Variants in ZBTB8A observed in about 807,000 individuals in gnomAD.
ZBTB8A encodes the protein zinc finger and BTB domain containing 8A.
ZBTB8A carries 19 observed loss-of-function variants against 37.8 expected under a neutral mutation model. The ratio of observed to expected loss-of-function variants is 0.50; its 90% confidence interval spans 0.35 to 0.74. The LOEUF (loss-of-function observed/expected upper bound fraction) is 0.74, where lower values mean the gene tolerates loss of function less well. Among genes scored for constraint, ZBTB8A ranks in the 30% least tolerant of loss-of-function variants. ZBTB8A has a pLI of 0.01. For missense variants in ZBTB8A, 394 were observed against 537.8 expected (o/e 0.73, Z 2.65); for synonymous variants, 181 against 185.2 (o/e 0.98, Z 0.19).
At chr1:32,566,636 A>G (rs1644281605) in intron 2 of ZBTB8A, among the ~76,000 whole-genome samples, 1 of 152,212 alleles carries the variant, frequency 6.6e-6, no homozygotes, top group Non-Finnish European at 1.5e-5. Context: ...TCTATACCTC[A>G]TATGGTGTAG....
In ZBTB8A at chr1:32,601,501, G is replaced by A. The variant is rs1644575797; in HGVS notation, c.*1082G>A. ...AAAAAAAAAGGAAAACAAACTAGGAGGTTCTTACCATATGTGAGTGATTTC... is the reference window on the plus strand; with the variant it reads ...AAAAAAAAAGGAAAACAAACTAGGAAGTTCTTACCATATGTGAGTGATTTC... On this transcript the variant is annotated 3_prime_UTR_variant, in exon 5 of 5. Transcript: ENST00000373510. The A allele has an allele frequency of 2.5e-6, 1 of 396,722 alleles. No individual in the cohort carries two copies. The highest frequency in any genetic ancestry group is 4.4e-6 in the Non-Finnish European group (1 of 225,240). The allele number at this position is 396,722 out of a possible 1,614,324, so 24.6% of individuals were successfully genotyped here. A position where few individuals can be genotyped will look rare whatever the true frequency, so the allele number is the denominator to read the frequency against.
intron 1 of ZBTB8A, among the ~76,000 whole-genome samples, chr1:32,541,402 C>T (rs1436455089): frequency 1.3e-5 from 2 of 152,204 alleles, no homozygotes; most frequent in African/African-American, 4.8e-5. Context: ...CTGAAATGCT[C>T]TTCCCCCAGA....
At chr1:32,580,156 G>A (rs1448217973) in intron 2 of ZBTB8A, among the ~76,000 whole-genome samples, 3 of 152,088 alleles carry the variant, frequency 2.0e-5, no homozygotes, top group African/African-American at 7.2e-5. Context: ...ACTTGAGCCT[G>A]GGTGGTGGAC....
intron 1 of ZBTB8A, among the ~76,000 whole-genome samples, chr1:32,539,946 G>T (rs886897173): frequency 2.0e-5 from 3 of 151,028 alleles, no homozygotes; most frequent in Non-Finnish European, 4.4e-5. Flanking sequence ...GAGCAAAGAC[G>T]GGCGGCCGCC....
rs151180096 is a variant in ZBTB8A at position 32,562,306 on chromosome 1, G to A, written c.-2+8766G>A. On this transcript the variant is annotated intron_variant, in intron 2 of 4. Transcript: ENST00000373510. Reference sequence around the variant, plus strand: ...TTTGAGATGGAGTTTTGCTCTTGTTGCCTTGCCCAGGCTGGGGTGCCATGG... The same window carrying A: ...TTTGAGATGGAGTTTTGCTCTTGTTACCTTGCCCAGGCTGGGGTGCCATGG... 7.4e-3 allele frequency among the ~76,000 whole-genome samples: 1,116 copies of A among 151,592 alleles called. 16 individuals are homozygous for A. The highest frequency in any genetic ancestry group is 0.025 in the African/African-American group (1,033 of 41,344).
At chr1:32,598,235 T>A (rs1644547997) in intron 4 of ZBTB8A, among the ~76,000 whole-genome samples, 1 of 135,424 alleles carries the variant, frequency 7.4e-6, no homozygotes, top group South Asian at 2.6e-4. Context: ...TTTTTTTTTT[T>A]TTTTTTTTTT....
chr1:32,549,924 A>G (rs1026373353), intron 1 of ZBTB8A, among the ~76,000 whole-genome samples: 3 of 152,246 alleles, frequency 2.0e-5, no homozygotes, highest in Non-Finnish European at 1.5e-5. Context: ...CAGCCAAAAC[A>G]GAAGAAAGAT....
chr1:32,554,490 T>G lies in ZBTB8A; in HGVS notation c.-2+950T>G, dbSNP rs927497575. 2.1e-4 allele frequency among the ~76,000 whole-genome samples: 31 copies of G among 148,884 alleles called. 1 individual carries two copies. Among genetic ancestry groups the G allele is most frequent in the African/African-American group, 7.1e-4 (29 of 40,834 alleles). ...TTTATTTATTTATTTATTTATTTAT[T>G]TATTTATTTATTTATTTATTTATTT... On this transcript the variant is annotated intron_variant, in intron 2 of 4. Coordinates refer to ENST00000373510, the MANE Select transcript of ZBTB8A (RefSeq NM_001040441.3).
rs1171909967 is a variant in ZBTB8A at position 32,594,677 on chromosome 1, C to T, written c.824-377C>T. Reference sequence around the variant, plus strand: ...TCAGGAGCCTGAGGCAGAAGAATCGCTTCAGGAGAACCCAGGAGGCAGAGG... The same window carrying T: ...TCAGGAGCCTGAGGCAGAAGAATCGTTTCAGGAGAACCCAGGAGGCAGAGG... On this transcript the variant is annotated intron_variant, in intron 3 of 4. Transcript: ENST00000373510. Among the ~76,000 whole-genome samples the T allele has an allele frequency of 2.0e-5, 3 of 151,554 alleles. No individual in the cohort carries two copies. The East Asian group carries it at 5.8e-4, about 29-fold the overall frequency.
At chr1:32,548,259 A>C (rs185719052) in intron 1 of ZBTB8A, among the ~76,000 whole-genome samples, 1 of 150,932 alleles carries the variant, frequency 6.6e-6, no homozygotes, top group African/African-American at 2.4e-5. Context: ...GATCGCTCTC[A>C]CTCTCTCTAG....
chr1:32,586,126 T>G (rs1016554445), intron 2 of ZBTB8A, among the ~76,000 whole-genome samples: 37 of 151,958 alleles, frequency 2.4e-4, no homozygotes, highest in African/African-American at 7.7e-4. Flanking sequence ...GAGACCACCC[T>G]GACCAACAGG....
In ZBTB8A at chr1:32,578,490, G is replaced by A. The variant is rs1244212725; in HGVS notation, c.-1-14441G>A. 2.6e-5 allele frequency among the ~76,000 whole-genome samples: 4 copies of A among 152,026 alleles called. No individual in the cohort carries two copies. The South Asian group carries it at 6.2e-4, about 24-fold the overall frequency. On this transcript the variant is annotated intron_variant, in intron 2 of 4. Transcript: ENST00000373510. ...GGCCTCCCAAAGTGCTGAGATTACA[G>A]ACGTGAGCCACCAGGCCCGGCCCTA...
At chr1:32,550,373 G>T (rs768009253) in intron 1 of ZBTB8A, among the ~76,000 whole-genome samples, 112 of 152,204 alleles carry the variant, frequency 7.4e-4, no homozygotes, top group Non-Finnish European at 1.3e-3. Context: ...CAACACTTTG[G>T]GAGGCCAAGG....
At chr1:32,555,663 T>A (rs1164724155) in intron 2 of ZBTB8A, among the ~76,000 whole-genome samples, 4 of 152,132 alleles carry the variant, frequency 2.6e-5, no homozygotes, top group Non-Finnish European at 5.9e-5. Context: ...TCTGAGCCCC[T>A]TCATTTCTGC....
At chr1:32,587,560 C>T (rs925489189) in intron 2 of ZBTB8A, among the ~76,000 whole-genome samples, 11 of 151,932 alleles carry the variant, frequency 7.2e-5, no homozygotes, top group African/African-American at 2.7e-4. Context: ...GCAGGAGGAT[C>T]GTTTGAGCCC....
rs1273199582 is a variant in ZBTB8A, at chr1:32,603,415, A to C, written c.*2996A>C. The C allele has an allele frequency of 6.6e-6, 1 of 152,282 alleles. No homozygotes were observed. Among genetic ancestry groups the C allele is most frequent in the Non-Finnish European group, 1.5e-5 (1 of 68,076 alleles). 9.4% of individuals were successfully genotyped at this position (152,282 alleles called of 1,614,324 possible). On this transcript the variant is annotated 3_prime_UTR_variant, in exon 5 of 5. Coordinates refer to ENST00000373510, the MANE Select transcript of ZBTB8A (RefSeq NM_001040441.3). ...AGTGCTGGGATTACAGGCGTGAGCC[A>C]GCACGCCCGGCCTAAATCAGGATTC...
chr1:32,588,039 G>T (rs1458762273), intron 2 of ZBTB8A, among the ~76,000 whole-genome samples: 1 of 152,152 alleles, frequency 6.6e-6, no homozygotes, highest in Admixed American at 6.5e-5. Flanking sequence ...GGGCGTGGAA[G>T]CTCCAAGCGC....
chr1:32,543,746 G>A lies in ZBTB8A; in HGVS notation c.-84+4174G>A, dbSNP rs534892102. Among the ~76,000 whole-genome samples, 5 of 152,106 alleles carry A rather than the reference G, an allele frequency of 3.3e-5. No homozygotes were observed. In the South Asian group the frequency reaches 6.2e-4, roughly 19 times the overall value. On this transcript the variant is annotated intron_variant, in intron 1 of 4. Coordinates refer to ENST00000373510, the MANE Select transcript of ZBTB8A (RefSeq NM_001040441.3). ...GGCTGGAGTGCAATGGCGCGATCTC[G>A]GCTCACTGCAAGCTCCGCCTCCTGG...
intron 2 of ZBTB8A, among the ~76,000 whole-genome samples, chr1:32,581,305 AATAATAT>A (rs1025409591): frequency 5.1e-5 from 6 of 117,186 alleles, no homozygotes; most frequent in South Asian, 4.7e-4. Context: ...TATATTATAT[AATAATAT>A]ATAATATATA....
Sources: gnomAD v4.1 joint callset for allele counts (sites outside exome capture counted in the v4.1 genomes callset) on GRCh38, gnomAD v4.1.1 for gene constraint, MANE v1.5 for transcripts, NCBI Gene and HGNC (gene_info 2026-07-23, HGNC 2026-07-21) for gene names.